SLC4A4: variants seen among roughly 807,000 people sequenced by gnomAD.
SLC4A4 encodes electrogenic sodium bicarbonate cotransporter 1.
Under a neutral mutation model 111.5 loss-of-function variants are expected in SLC4A4, and 27 were observed. That is an observed-to-expected ratio of 0.24 (90% CI 0.18 to 0.33). SLC4A4 has a LOEUF of 0.33. SLC4A4 is among the 10% of genes least tolerant of loss of function. The probability of loss-of-function intolerance (pLI) is 1.00; values close to 1 mark genes in which losing one functional copy is unlikely to be tolerated. For missense variants in SLC4A4, 909 were observed against 1,315.5 expected, an observed-to-expected ratio of 0.69 and a Z score of 4.78; for synonymous variants, 443 against 463.4, an observed-to-expected ratio of 0.96 and a Z score of 0.57.
chr4:71,116,868 G>A (rs888894558), intron 2 of SLC4A4, among the ~76,000 whole-genome samples: 6 of 152,008 alleles, frequency 3.9e-5, no homozygotes, highest in African/African-American at 7.2e-5. Flanking sequence ...GCTTGAACCC[G>A]GGAGGCGGAG....
chr4:71,539,648 T>C (rs1295416337), intron 18 of SLC4A4, among the ~76,000 whole-genome samples: 1 of 152,150 alleles, frequency 6.6e-6, no homozygotes, highest in East Asian at 1.9e-4. Context: ...AATTTATATT[T>C]CTCTTGTTTT....
intron 3 of SLC4A4, among the ~76,000 whole-genome samples, chr4:71,281,029 A>C (rs1347956557): frequency 6.6e-6 from 1 of 152,154 alleles, no homozygotes; most frequent in Non-Finnish European, 1.5e-5. Context: ...TATATATTTG[A>C]TACTTTTTTT....
At chr4:71,084,683 C>G (rs753020414) in intron 1 of SLC4A4, among the ~76,000 whole-genome samples, 1 of 151,992 alleles carries the variant, frequency 6.6e-6, no homozygotes. Flanking sequence ...CGATAGTTTG[C>G]TGAGAATGAT....
rs562114387 is a variant in SLC4A4 at position 71,364,555 on chromosome 4, G to T, written c.730+7368G>T. Among the ~76,000 whole-genome samples the T allele has an allele frequency of 3.3e-5, 5 of 152,284 alleles. No individual in the cohort carries two copies. The East Asian group carries it at 9.6e-4, about 29-fold the overall frequency. On this transcript the variant is annotated intron_variant, in intron 6 of 25. Transcript: ENST00000264485. ...GGTGAGAGCCCTTTCCTCATAGATG[G>T]TGCGTTCTATGGATCCTCGCAAGGT...
At chr4:71,459,858 C>T (rs945254721) in intron 12 of SLC4A4, among the ~76,000 whole-genome samples, 27 of 151,948 alleles carry the variant, frequency 1.8e-4, no homozygotes, top group Admixed American at 4.6e-4. Flanking sequence ...CATTTTTTGT[C>T]GTTCTGTGGG....
chr4:71,356,958 T>A, intron 5 of SLC4A4, 50 bp from the exon 6 acceptor site: 1 of 1,563,238 alleles, frequency 6.4e-7, no homozygotes, highest in Non-Finnish European at 8.8e-7. Flanking sequence ...AAAAAATAAC[T>A]TTGTGGTCTT....
chr4:71,217,021 T>C (rs1213800715), intron 1 of SLC4A4, among the ~76,000 whole-genome samples: 4 of 152,196 alleles, frequency 2.6e-5, no homozygotes, highest in Admixed American at 1.3e-4. Flanking sequence ...TGAATTACAT[T>C]CACTTTATAA....
At chr4:71,205,062 G>T (rs538367973) in intron 1 of SLC4A4, among the ~76,000 whole-genome samples, 1 of 152,264 alleles carries the variant, frequency 6.6e-6, no homozygotes, top group African/African-American at 2.4e-5. Flanking sequence ...AAGGTAGGTG[G>T]TGACTGTCCT....
chr4:71,565,009 ATT>A (rs771186934), intron 24 of SLC4A4, among the ~76,000 whole-genome samples: 2 of 145,186 alleles, frequency 1.4e-5, no homozygotes, highest in African/African-American at 2.5e-5. Context: ...TCTGAAGACT[ATT>A]TTTTTTTTTT....
At chr4:71,216,405 G>A (rs1293670772) in intron 1 of SLC4A4, among the ~76,000 whole-genome samples, 3 of 152,040 alleles carry the variant, frequency 2.0e-5, no homozygotes, top group Admixed American at 2.0e-4. Context: ...ACACAAACAG[G>A]TCTGTATTTC....
chr4:71,447,650 T>G lies in SLC4A4; in HGVS notation c.970T>G (p.Leu324Val), dbSNP rs774707540. 5.6e-6 allele frequency: 9 copies of G among 1,605,434 alleles called. No individual in the cohort carries two copies. The highest frequency in any genetic ancestry group is 6.8e-6 in the Non-Finnish European group (8 of 1,172,490). Residue 324 changes from leucine (L) to valine (V), a missense_variant, in exon 9 of 26, where the codon TTG becomes GTG. Leu to Val is a conservative substitution (Grantham distance 32). Transcript: ENST00000264485. ...LTEVPVPTRF[L>V]FILLGPKGKA... ...GCTTCTTTCCTTTTCCATTAGGTTC[T>G]TGTTCATTCTCTTAGGTCCTAAGGG... is the stretch of plus-strand genomic sequence containing the variant.
intron 6 of SLC4A4, among the ~76,000 whole-genome samples, chr4:71,382,981 A>AT (rs1718300017): frequency 6.6e-6 from 1 of 152,228 alleles, no homozygotes; most frequent in East Asian, 1.9e-4. Flanking sequence ...CAGAAAATGG[A>AT]TTTTTTTAAA....
chr4:71,269,196 A>G (rs554596764), intron 3 of SLC4A4, among the ~76,000 whole-genome samples: 1 of 152,360 alleles, frequency 6.6e-6, no homozygotes, highest in South Asian at 2.1e-4. Flanking sequence ...GGATTCCATT[A>G]TTCATTTCTC....
chr4:71,542,902 T>G (rs148441525), intron 18 of SLC4A4, among the ~76,000 whole-genome samples: 1 of 152,246 alleles, frequency 6.6e-6, no homozygotes, highest in Non-Finnish European at 1.5e-5. Flanking sequence ...CATTTATTCA[T>G]TTATCCATCA....
At chr4:71,462,005 CT>C (rs551323444) in intron 12 of SLC4A4, among the ~76,000 whole-genome samples, 2 of 151,906 alleles carry the variant, frequency 1.3e-5, no homozygotes, top group Non-Finnish European at 2.9e-5. Context: ...CCTAAAGAGG[CT>C]TTTTTTTACC....
chr4:71,156,307 T>C (rs529639564), intron 2 of SLC4A4, among the ~76,000 whole-genome samples: 14 of 151,142 alleles, frequency 9.3e-5, no homozygotes, highest in Non-Finnish European at 1.5e-4. Flanking sequence ...GGTAAATGAG[T>C]TTTTTTTTGA....
At chr4:71,348,341 ACAC>A (rs1729512478) in intron 4 of SLC4A4, among the ~76,000 whole-genome samples, 3 of 151,756 alleles carry the variant, frequency 2.0e-5, no homozygotes, top group Non-Finnish European at 4.4e-5. Context: ...ACACACACAC[ACAC>A]ACACACACAC....
In SLC4A4 at chr4:71,166,759, G is replaced by C. The variant is rs112374529; in HGVS notation, c.-1-69817G>C. Reference sequence around the variant, plus strand: ...GTGCCCAATTTATGTCTGAGCTTCAGATTCCTTGTCTGTCTCATAGTTACC... The same window carrying C: ...GTGCCCAATTTATGTCTGAGCTTCACATTCCTTGTCTGTCTCATAGTTACC... On this transcript the variant is annotated intron_variant, in intron 2 of 26. Transcript: ENST00000649996. Among the ~76,000 whole-genome samples, 809 of 152,236 alleles carry C rather than the reference G, an allele frequency of 5.3e-3. 9 individuals are homozygous for C. Among genetic ancestry groups the C allele is most frequent in the African/African-American group, 0.019 (774 of 41,534 alleles).
intron 7 of SLC4A4, among the ~76,000 whole-genome samples, chr4:71,403,881 G>A (rs942928669): frequency 6.6e-6 from 1 of 152,084 alleles, no homozygotes; most frequent in Non-Finnish European, 1.5e-5. Flanking sequence ...CCTATATTAA[G>A]TATTGTATGA....
Sources: gnomAD v4.1 joint callset for allele counts (sites outside exome capture counted in the v4.1 genomes callset) on GRCh38, gnomAD v4.1.1 for gene constraint, MANE v1.5 for transcripts, NCBI Gene and HGNC (gene_info 2026-07-23, HGNC 2026-07-21) for gene names.